HHAT: variants seen among roughly 807,000 people sequenced by gnomAD.
HHAT encodes hedgehog acyltransferase.
A neutral mutation model predicts 70.8 loss-of-function variants in HHAT; 47 were observed. The observed-to-expected ratio is 0.66, with a 90% CI of 0.53 to 0.85. HHAT has a LOEUF of 0.85. HHAT is among the 40% of genes least tolerant of loss of function. The pLI, the probability that HHAT is intolerant of heterozygous loss-of-function variation, is 0.00. For synonymous variants in HHAT, 228 were observed against 247.6 expected (o/e 0.92, Z 0.74); for missense variants, 609 against 604.8 (o/e 1.01, Z -0.07).
chr1:210,406,496 T>G (rs2092336668), intron 6 of HHAT, among the ~76,000 whole-genome samples: 1 of 152,038 alleles, frequency 6.6e-6, no homozygotes, highest in African/African-American at 2.4e-5. Flanking sequence ...TGGGTTCAAG[T>G]GATTCCCGTG....
chr1:210,649,816 G>A (rs1674773825), intron 11 of HHAT, among the ~76,000 whole-genome samples: 1 of 152,204 alleles, frequency 6.6e-6, no homozygotes. Flanking sequence ...TAGGTTTATA[G>A]GGCAGCAGCT....
chr1:210,343,776 T>C (rs554704802), intron 1 of HHAT, among the ~76,000 whole-genome samples: 2 of 152,252 alleles, frequency 1.3e-5, no homozygotes, highest in African/African-American at 4.8e-5. Flanking sequence ...GCCAACTTCC[T>C]GAAAGAGGTC....
chr1:210,363,101 C>G (rs1385292861), intron 3 of HHAT, among the ~76,000 whole-genome samples, 182 bp downstream of exon 3: 1 of 152,110 alleles, frequency 6.6e-6, no homozygotes, highest in African/African-American at 2.4e-5. Flanking sequence ...TCTCTATGTT[C>G]TTGTCCCCTG....
intron 7 of HHAT, among the ~76,000 whole-genome samples, chr1:210,457,169 A>AC (rs140693069): frequency 9.3e-4 from 141 of 151,458 alleles, no homozygotes; most frequent in African/African-American, 3.3e-3. Flanking sequence ...TTCCTCCTTC[A>AC]CCCCCGGCGG....
In HHAT at chr1:210,615,785, C is replaced by T. The variant is rs570881066; in HGVS notation, c.1246-7741C>T. On this transcript the variant is annotated intron_variant, in intron 10 of 11. Coordinates refer to ENST00000261458, the MANE Select transcript of HHAT (RefSeq NM_018194.6). ...TGAACAGCAAATGTTGCTGCCTGAT[C>T]GTTCCTCTGGAGGTTTCGTCTCAGA... Among the ~76,000 whole-genome samples, 8 of 152,346 alleles carry T rather than the reference C, an allele frequency of 5.3e-5. No individual in the cohort carries two copies. The East Asian group carries it at 5.8e-4, about 11-fold the overall frequency.
At chr1:210,332,449 C>G (rs1166665895) in intron 1 of HHAT, among the ~76,000 whole-genome samples, 1 of 152,258 alleles carries the variant, frequency 6.6e-6, no homozygotes, top group African/African-American at 2.4e-5. Flanking sequence ...ACCGCAGTGA[C>G]TCATTAATCC....
At chr1:210,408,952 C>A (rs1055194601) in intron 6 of HHAT, among the ~76,000 whole-genome samples, 1 of 152,178 alleles carries the variant, frequency 6.6e-6, no homozygotes, top group Non-Finnish European at 1.5e-5. Flanking sequence ...GCTTTGGCCT[C>A]CCGAGCTCAA....
intron 11 of HHAT, among the ~76,000 whole-genome samples, chr1:210,670,834 T>C (rs548116806): frequency 6.6e-6 from 1 of 152,204 alleles, no homozygotes; most frequent in Non-Finnish European, 1.5e-5. Flanking sequence ...GATCTTATTT[T>C]ATTTGCATGC....
chr1:210,477,664 C>T (rs1158163951), intron 8 of HHAT, among the ~76,000 whole-genome samples: 1 of 152,162 alleles, frequency 6.6e-6, no homozygotes, highest in Non-Finnish European at 1.5e-5. Flanking sequence ...TAGCTGCAGG[C>T]TACAGAGGAT....
chr1:210,658,796 CA>C (rs1316368334), intron 11 of HHAT, among the ~76,000 whole-genome samples: 2 of 152,180 alleles, frequency 1.3e-5, no homozygotes, highest in African/African-American at 4.8e-5. Flanking sequence ...CTCAAAACCG[CA>C]CAACTACATG....
chr1:210,448,346 T>C (rs6680841), intron 7 of HHAT, among the ~76,000 whole-genome samples: 52,548 of 151,900 alleles, frequency 0.35, 9,480 homozygotes, highest in South Asian at 0.48. Context: ...TTTCCCAAAG[T>C]GTTGGGATTA....
chr1:210,567,177 C>T (rs1302355783), intron 9 of HHAT, among the ~76,000 whole-genome samples: 1 of 152,212 alleles, frequency 6.6e-6, no homozygotes, highest in Non-Finnish European at 1.5e-5. Flanking sequence ...GAATAGTGCC[C>T]ATTTTGAAAT....
intron 9 of HHAT, among the ~76,000 whole-genome samples, chr1:210,527,374 T>C (rs12122405): frequency 0.23 from 34,227 of 152,004 alleles, 4,096 homozygotes; most frequent in Middle Eastern, 0.3. Flanking sequence ...CTTAACAGCT[T>C]CATGCTTCAC....
intron 7 of HHAT, among the ~76,000 whole-genome samples, chr1:210,452,718 A>T (rs74156173): frequency 0.015 from 2,225 of 152,340 alleles, 54 homozygotes; most frequent in African/African-American, 0.05. Flanking sequence ...GAGCTCAGAA[A>T]GGTAATATTT....
intron 8 of HHAT, among the ~76,000 whole-genome samples, chr1:210,467,105 G>A (rs1200040624): frequency 1.3e-5 from 2 of 152,122 alleles, no homozygotes; most frequent in Admixed American, 6.5e-5. Context: ...AGCATGCATA[G>A]GTGTAGGTTT....
At chr1:210,479,398 G>C (rs1236936247) in intron 8 of HHAT, among the ~76,000 whole-genome samples, 1 of 152,180 alleles carries the variant, frequency 6.6e-6, no homozygotes, top group Non-Finnish European at 1.5e-5. Context: ...AGACAGGCAT[G>C]ACCATCACTG....
chr1:210,345,276 G>T (rs2086416374), intron 1 of HHAT, among the ~76,000 whole-genome samples: 1 of 152,064 alleles, frequency 6.6e-6, no homozygotes, highest in African/African-American at 2.4e-5. Context: ...TGGAACAAGT[G>T]GGGTGGAAAA....
At chr1:210,555,623 C>T (rs2095565008) in intron 9 of HHAT, among the ~76,000 whole-genome samples, 1 of 152,226 alleles carries the variant, frequency 6.6e-6, no homozygotes, top group South Asian at 2.1e-4. Flanking sequence ...TCAAAGCAGC[C>T]AGCCTTTGAC....
At chr1:210,605,012 T>TCAACAACAACAACAACAA (rs66718127) in intron 10 of HHAT, among the ~76,000 whole-genome samples, 80 of 150,736 alleles carry the variant, frequency 5.3e-4, no homozygotes, top group Middle Eastern at 3.4e-3. Flanking sequence ...TGGGCAAGAC[T>TCAACAACAACAACAACAA]CAACAACAAC....
Sources: allele counts gnomAD v4.1 joint callset (sites outside exome capture counted in the v4.1 genomes callset), GRCh38; gene constraint gnomAD v4.1.1; transcripts MANE v1.5; gene names NCBI Gene and HGNC (gene_info 2026-07-23, HGNC 2026-07-21).